LRRC56: variants seen among roughly 807,000 people sequenced by gnomAD.
LRRC56 encodes the protein leucine rich repeat containing 56, also known as leucine-rich repeat-containing protein 56.
LRRC56 carries 41 observed loss-of-function variants against 47.8 expected under a neutral mutation model. The observed-to-expected ratio is 0.86, with a 90% CI of 0.67 to 1.11. The LOEUF (loss-of-function observed/expected upper bound fraction) is 1.11, where lower values mean the gene tolerates loss of function less well. Ranked by LOEUF, LRRC56 falls within the 50% of genes most tolerant of loss-of-function variation. LRRC56 has a pLI of 0.00. For missense variants in LRRC56, 759 were observed against 704.2 expected (o/e 1.08, Z -0.88); for synonymous variants, 387 against 311.2 (o/e 1.24, Z -2.56).
the LRRC56 span, among the ~76,000 whole-genome samples, chr11:507,569 G>A: frequency 6.6e-6 from 1 of 152,188 alleles, no homozygotes; most frequent in Non-Finnish European, 1.5e-5. Context: ...GGAAGAGGCC[G>A]GGGCCCGGTG....
In LRRC56 at chr11:541,254, G is replaced by C. The variant is rs970631951; in HGVS notation, c.178-283G>C. Among the ~76,000 whole-genome samples, 4 of 152,166 alleles carry C rather than the reference G, an allele frequency of 2.6e-5. No individual in the cohort carries two copies. Among genetic ancestry groups the C allele is most frequent in the Non-Finnish European group, 5.9e-5 (4 of 68,020 alleles). On this transcript the variant is annotated intron_variant, in intron 4 of 13. Transcript: ENST00000270115. This position sits in a 1 kb window ranked among gnomAD's most constrained non-coding sequence, Gnocchi z 4.1. ...CAGGGCCCGGCGCGGTCCGGGCTCTGGGTGCCGGGTGTGGTGTGTCTGCCC... is the reference window on the plus strand; with the variant it reads ...CAGGGCCCGGCGCGGTCCGGGCTCTCGGTGCCGGGTGTGGTGTGTCTGCCC...
the LRRC56 span, among the ~76,000 whole-genome samples, chr11:508,932 C>T: frequency 6.6e-6 from 1 of 152,120 alleles, no homozygotes; most frequent in Non-Finnish European, 1.5e-5. Flanking sequence ...GTAATCCCAG[C>T]TACTCAGGAG....
chr11:532,099 C>T, the LRRC56 span: 3 of 211,160 alleles, frequency 1.4e-5, no homozygotes, highest in Non-Finnish European at 2.0e-5. Flanking sequence ...GAGAGCACCA[C>T]AGCCCAGACC....
At chr11:510,356 C>T in the LRRC56 span, among the ~76,000 whole-genome samples, 24 of 151,672 alleles carry the variant, frequency 1.6e-4, no homozygotes, top group African/African-American at 4.1e-4. Flanking sequence ...AATCCCAGCA[C>T]GTTGGGAGGC....
In LRRC56 at chr11:540,696, C is replaced by A; in HGVS notation, c.12C>A (p.Gly4=). 6.2e-7 allele frequency: 1 copy of A among 1,612,696 alleles called. No homozygotes were observed. The highest frequency in any genetic ancestry group is 8.5e-7 in the Non-Finnish European group (1 of 1,179,806). The change falls in exon 4 of 14, where the codon GGC becomes GGA. Residue 4 remains glycine, a synonymous_variant. Transcript: ENST00000270115. MDL[G]WDRSRGPRRS... ...CAGGTGACATGTGAATGGATCTGGG[C>A]TGGGACAGATCCCGTGGGCCTCGGC...
the LRRC56 span, among the ~76,000 whole-genome samples, chr11:516,094 C>G: frequency 6.6e-6 from 1 of 152,106 alleles, no homozygotes; most frequent in Admixed American, 6.6e-5. Flanking sequence ...GATTTCTGAA[C>G]CTTTATAACA....
the LRRC56 span, chr11:529,435 C>G: frequency 6.6e-6 from 1 of 152,290 alleles, no homozygotes; most frequent in African/African-American, 2.4e-5. Flanking sequence ...TTCAGATGCG[C>G]TCACTGCTGC....
At chr11:522,550 G>A in the LRRC56 span, among the ~76,000 whole-genome samples, 1 of 152,116 alleles carries the variant, frequency 6.6e-6, no homozygotes, top group Non-Finnish European at 1.5e-5. Flanking sequence ...ACAGGCGTGA[G>A]CCACCGCACC....
At chr11:520,414 G>A in the LRRC56 span, among the ~76,000 whole-genome samples, 2 of 151,952 alleles carry the variant, frequency 1.3e-5, no homozygotes, top group East Asian at 1.9e-4. Context: ...TCCGCCTCCC[G>A]GGTTCCAGTG....
the LRRC56 span, among the ~76,000 whole-genome samples, chr11:518,973 A>G: frequency 6.6e-6 from 1 of 151,506 alleles, no homozygotes; most frequent in Admixed American, 6.6e-5. Context: ...TGCGGCCCCA[A>G]GACGCGGCGC....
chr11:517,685 C>T, the LRRC56 span, among the ~76,000 whole-genome samples: 31 of 152,248 alleles, frequency 2.0e-4, no homozygotes, highest in African/African-American at 6.7e-4. Context: ...CAGCGACCAT[C>T]GAGAACGGGC....
chr11:535,653 A>C (rs1342883654), upstream of LRRC56: 2 of 151,674 alleles, frequency 1.3e-5, no homozygotes, highest in Non-Finnish European at 2.9e-5. Context: ...GCCCCGCCCC[A>C]CCCCGGTTGG....
the LRRC56 span, among the ~76,000 whole-genome samples, chr11:516,518 G>C: frequency 1.3e-5 from 2 of 152,086 alleles, no homozygotes; most frequent in Non-Finnish European, 1.5e-5. Flanking sequence ...ACAGGCCCAT[G>C]AGCACACATA....
At chr11:539,377 A>G (rs12417113) in intron 2 of LRRC56, among the ~76,000 whole-genome samples, 12,927 of 83,710 alleles carry the variant, frequency 0.15, 767 homozygotes, top group South Asian at 0.25. Context: ...GAGCCACCGC[A>G]CCCAGCCTTT....
At chr11:510,276 G>A in the LRRC56 span, among the ~76,000 whole-genome samples, 1 of 152,338 alleles carries the variant, frequency 6.6e-6, no homozygotes. Flanking sequence ...GGGTGACTTT[G>A]GGTGGAGAGT....
At chr11:538,524 C>A (rs1327744327) in intron 1 of LRRC56, 74 bp from the exon 2 acceptor site, 4 of 152,282 alleles carry the variant, frequency 2.6e-5, no homozygotes, top group African/African-American at 9.7e-5. Context: ...ACCTTCCAGA[C>A]CAGGCCAGTG....
At chr11:539,194 C>T (rs1851663914) in intron 2 of LRRC56, among the ~76,000 whole-genome samples, 1 of 152,162 alleles carries the variant, frequency 6.6e-6, no homozygotes, top group Non-Finnish European at 1.5e-5. Context: ...CATTCCCCAG[C>T]CTCAGCCTCC....
the LRRC56 span, among the ~76,000 whole-genome samples, chr11:507,679 C>T: frequency 3.0e-4 from 46 of 152,338 alleles, 2 homozygotes; most frequent in South Asian, 9.5e-3. Flanking sequence ...ACAGGAGGGA[C>T]CCGGGAGAAA....
In LRRC56 at chr11:538,826, C is replaced by T. The variant is rs1278022844; in HGVS notation, c.-193C>T. ...CGTGCAGGCCACGTGCAGCCCACAG[C>T]TCTGGGGCGAGGCAGGCCCTCAACC... On this transcript the variant is annotated 5_prime_UTR_variant, in exon 2 of 14. Coordinates refer to ENST00000270115, the MANE Select transcript of LRRC56 (RefSeq NM_198075.4). The T allele has an allele frequency of 6.6e-6, 1 of 152,306 alleles. No individual in the cohort carries two copies. Among genetic ancestry groups the T allele is most frequent in the East Asian group, 1.9e-4 (1 of 5,204 alleles). The allele number at this position is 152,306 out of a possible 1,614,324, so 9.4% of individuals were successfully genotyped here.
Sources: allele counts gnomAD v4.1 joint callset (sites outside exome capture counted in the v4.1 genomes callset), GRCh38; gene constraint gnomAD v4.1.1; non-coding constraint Gnocchi (gnomAD v3.1); transcripts MANE v1.5; gene names NCBI Gene and HGNC (gene_info 2026-07-23, HGNC 2026-07-21).